The following RNF212B variants were observed in gnomAD, a reference collection of about 807,000 sequenced individuals.
The protein encoded by RNF212B is ring finger protein 212B.
In RNF212B, 52 loss-of-function variants were observed where a neutral mutation model predicts 55.5. The ratio of observed to expected loss-of-function variants is 0.94; its 90% CI spans 0.75 to 1.18. The LOEUF is 1.18. Ranked by LOEUF, RNF212B falls within the 50% of genes most tolerant of loss-of-function variation. The pLI, the probability that RNF212B is intolerant of heterozygous loss-of-function variation, is 0.00. For missense variants in RNF212B, 289 were observed against 350.4 expected, an observed-to-expected ratio of 0.82 and a Z score of 1.40; for synonymous variants, 99 against 121.4, an observed-to-expected ratio of 0.82 and a Z score of 1.21.
chr14:23,217,297 C>T (rs983728434), intron 2 of RNF212B, among the ~76,000 whole-genome samples: 4 of 151,442 alleles, frequency 2.6e-5, no homozygotes, highest in African/African-American at 7.3e-5. Context: ...GAGGGAAGAG[C>T]GGGAAGAACT....
intron 2 of RNF212B, among the ~76,000 whole-genome samples, chr14:23,207,921 C>G (rs886996553): frequency 6.6e-6 from 1 of 152,122 alleles, no homozygotes; most frequent in African/African-American, 2.4e-5. Context: ...TAGGCAGACT[C>G]TAAGCGGAGA....
chr14:23,232,445 G>A (rs537472969), intron 2 of RNF212B, among the ~76,000 whole-genome samples: 45 of 113,174 alleles, frequency 4.0e-4, no homozygotes, highest in African/African-American at 1.2e-3. Context: ...GCCTCCGCCC[G>A]GCAGCCGCCC....
chr14:23,270,816 A>G (rs551667294), intron 14 of RNF212B, among the ~76,000 whole-genome samples, 155 bp downstream of exon 14: 1 of 152,314 alleles, frequency 6.6e-6, no homozygotes. Flanking sequence ...GAATGGTCTC[A>G]ATTTCAGATT....
Position 23,262,920 on chromosome 14 carries a change from T to C in RNF212B, c.482-8T>C. ...CAACTTTTTATTCTGTACTTTATTC[T>C]CTTTCAGTTACCCCACGACCCAGTT... On this transcript the variant is annotated splice_region_variant and splice_polypyrimidine_tract_variant and intron_variant, in intron 8 of 14. Transcript: ENST00000430154. The C allele has an allele frequency of 6.4e-7, 1 of 1,550,476 alleles. No homozygotes were observed. The highest frequency in any genetic ancestry group is 8.7e-7 in the Non-Finnish European group (1 of 1,146,908).
chr14:23,263,696 T>A (rs1387357679), intron 9 of RNF212B, among the ~76,000 whole-genome samples: 1 of 152,136 alleles, frequency 6.6e-6, no homozygotes, highest in Non-Finnish European at 1.5e-5. Context: ...GAAAGGTGTT[T>A]TCCTCCCATC....
chr14:23,211,572 G>A (rs1037915687), intron 2 of RNF212B, among the ~76,000 whole-genome samples: 2 of 152,234 alleles, frequency 1.3e-5, no homozygotes, highest in African/African-American at 2.4e-5. Flanking sequence ...CTAAAGACCA[G>A]TTCCTCTCAC....
chr14:23,220,652 C>G (rs1278594000), intron 2 of RNF212B, among the ~76,000 whole-genome samples: 1 of 151,972 alleles, frequency 6.6e-6, no homozygotes, highest in African/African-American at 2.4e-5. Context: ...GGTGAAATCC[C>G]ATCTTTACTA....
chr14:23,214,424 G>T (rs1880870978), intron 2 of RNF212B, among the ~76,000 whole-genome samples: 2 of 152,088 alleles, frequency 1.3e-5, no homozygotes, highest in Non-Finnish European at 2.9e-5. Flanking sequence ...AACCCAGGAG[G>T]TGGAGGTTGC....
At chr14:23,226,704 G>C (rs1162500707) in intron 2 of RNF212B, among the ~76,000 whole-genome samples, 1 of 152,018 alleles carries the variant, frequency 6.6e-6, no homozygotes, top group Non-Finnish European at 1.5e-5. Context: ...AGGCATCTTC[G>C]TGGTGCTGGA....
intron 5 of RNF212B, 77 bp from the exon 6 acceptor site, chr14:23,259,807 T>G: frequency 1.4e-6 from 1 of 696,682 alleles, no homozygotes; most frequent in Non-Finnish European, 2.4e-6. Flanking sequence ...TAACTAGATG[T>G]TAATAGTTAT....
At chr14:23,272,612 C>T (rs1886190139) in intron 14 of RNF212B, 1 of 581,764 alleles carries the variant, frequency 1.7e-6, no homozygotes, top group Non-Finnish European at 3.0e-6. Flanking sequence ...ATTATTATCA[C>T]CATAAGCTAC....
At chr14:23,272,203 G>A (rs1886146796) in intron 14 of RNF212B, among the ~76,000 whole-genome samples, 1 of 152,134 alleles carries the variant, frequency 6.6e-6, no homozygotes, top group African/African-American at 2.4e-5. Context: ...GGATTATGAG[G>A]TCAGGAGATC....
chr14:23,201,547 G>A (rs1879285898), intron 2 of RNF212B, among the ~76,000 whole-genome samples: 1 of 152,058 alleles, frequency 6.6e-6, no homozygotes, highest in Non-Finnish European at 1.5e-5. Context: ...ATTTGACAAT[G>A]CTTCCTGTAT....
rs531746787 is a variant in RNF212B at position 23,264,958 on chromosome 14, A to G, written c.634+287A>G. The stretch of plus-strand genomic sequence containing the variant: ...TGCCTCAGCCTCCCGAGTAGCTAGG[A>G]TTACAGGCATGTGCCACCACGCCTG... On this transcript the variant is annotated intron_variant, in intron 11 of 14. Coordinates refer to ENST00000430154, the MANE Select transcript of RNF212B (RefSeq NM_001282322.3). 1.4e-4 allele frequency among the ~76,000 whole-genome samples: 21 copies of G among 151,940 alleles called. No individual in the cohort carries two copies. In the East Asian group the frequency reaches 3.9e-3, roughly 28 times the overall value.
At chr14:23,199,991 C>T (rs1248230960) in intron 2 of RNF212B, among the ~76,000 whole-genome samples, 1 of 151,410 alleles carries the variant, frequency 6.6e-6, no homozygotes, top group Non-Finnish European at 1.5e-5. Context: ...AGAATTCAGC[C>T]CAAACTGTAG....
At chr14:23,218,700 A>G (rs1365519429) in intron 2 of RNF212B, among the ~76,000 whole-genome samples, 2 of 152,204 alleles carry the variant, frequency 1.3e-5, no homozygotes, top group African/African-American at 4.8e-5. Context: ...AAAAGGGCAA[A>G]TGTGAGTTAT....
intron 2 of RNF212B, among the ~76,000 whole-genome samples, chr14:23,223,448 C>T (rs554686580): frequency 5.9e-5 from 9 of 152,014 alleles, no homozygotes; most frequent in East Asian, 1.9e-4. Context: ...CTCCGCCTCA[C>T]GGGTTCACGC....
chr14:23,255,046 GGA>G (rs111975257), intron 4 of RNF212B, among the ~76,000 whole-genome samples: 7,327 of 152,268 alleles, frequency 0.048, 381 homozygotes, highest in African/African-American at 0.13. Flanking sequence ...CAAGAAATCA[GGA>G]GAGAGAGAGG....
At chr14:23,230,535 T>C (rs1217668480) in intron 2 of RNF212B, among the ~76,000 whole-genome samples, 6 of 151,556 alleles carry the variant, frequency 4.0e-5, no homozygotes, top group East Asian at 1.9e-4. Context: ...GGGCCTGTAG[T>C]CCCAGCTACT....
Sources: gnomAD v4.1 joint callset for allele counts (sites outside exome capture counted in the v4.1 genomes callset) on GRCh38, gnomAD v4.1.1 for gene constraint, MANE v1.5 for transcripts, NCBI Gene and HGNC (gene_info 2026-07-23, HGNC 2026-07-21) for gene names.